Variants in CHSY3 observed in about 807,000 individuals in gnomAD.
CHSY3 encodes the protein chondroitin sulfate synthase 3, also known as N-acetylgalactosaminyl-proteoglycan 3-beta-glucuronosyltransferase 3.
In CHSY3, 35 loss-of-function variants were observed where a neutral mutation model predicts 67.2. The observed-to-expected ratio is 0.52, with a 90% CI of 0.40 to 0.69. The LOEUF (loss-of-function observed/expected upper bound fraction) is 0.69. Ranked by LOEUF, CHSY3 falls within the 30% of genes least tolerant of loss-of-function variation. The pLI is 0.00. For missense variants in CHSY3, 1,069 were observed against 1,138.5 expected (o/e 0.94, Z 0.88); for synonymous variants, 474 against 434.7 (o/e 1.09, Z -1.12).
intron 2 of CHSY3, chr5:130,002,270 C>T (rs1763749305): frequency 6.5e-6 from 1 of 154,132 alleles, no homozygotes; most frequent in South Asian, 2.1e-4. Context: ...GAAGGCATGG[C>T]TGCCTCGGAT....
intron 2 of CHSY3, among the ~76,000 whole-genome samples, chr5:130,031,824 A>G (rs1173781756): frequency 7.2e-5 from 11 of 152,170 alleles, no homozygotes; most frequent in Admixed American, 4.6e-4. Context: ...ATTTGGGTAA[A>G]TATGTAAAAA....
At chr5:130,119,844 A>C (rs1047869043) in intron 2 of CHSY3, among the ~76,000 whole-genome samples, 1 of 152,172 alleles carries the variant, frequency 6.6e-6, no homozygotes, top group African/African-American at 2.4e-5. Flanking sequence ...TCTACGCAAA[A>C]AGGCAAATTA....
At chr5:130,052,698 G>T (rs1010667335) in intron 2 of CHSY3, among the ~76,000 whole-genome samples, 2 of 152,186 alleles carry the variant, frequency 1.3e-5, no homozygotes, top group Admixed American at 1.3e-4. Context: ...TGGTAAGGGA[G>T]CCTATGTCTT....
rs114327662 is a variant in CHSY3 at position 129,940,851 on chromosome 5, C to A, written c.1086+32491C>A. 4.1e-3 allele frequency among the ~76,000 whole-genome samples: 629 copies of A among 152,012 alleles called. 5 individuals carry two copies. The highest frequency in any genetic ancestry group is 0.014 in the African/African-American group (597 of 41,458). ...ATTCAACACTTCATTATAAAATAAG[C>A]ATTGTGTTAGATGATTTTGCCCAAC... is the stretch of plus-strand genomic sequence containing the variant. On this transcript the variant is annotated intron_variant, in intron 2 of 2. Transcript: ENST00000305031.
chr5:130,155,756 T>C (rs1349555971), intron 2 of CHSY3, among the ~76,000 whole-genome samples: 2 of 152,132 alleles, frequency 1.3e-5, no homozygotes, highest in Admixed American at 6.6e-5. Flanking sequence ...TATTGAGGAA[T>C]ATTTAGCAGC....
At chr5:130,012,535 C>A (rs988029026) in intron 2 of CHSY3, among the ~76,000 whole-genome samples, 1 of 152,134 alleles carries the variant, frequency 6.6e-6, no homozygotes, top group Non-Finnish European at 1.5e-5. Flanking sequence ...CCTCAGGAAA[C>A]TTACAATCAT....
In CHSY3 at chr5:129,995,226, T is replaced by C. The variant is rs549660110; in HGVS notation, c.1086+86866T>C. Among the ~76,000 whole-genome samples the C allele has an allele frequency of 2.4e-4, 36 of 152,290 alleles. No individual in the cohort carries two copies. The South Asian group carries it at 4.4e-3, about 18-fold the overall frequency. Reference sequence around the variant, plus strand: ...GTTTTATGTTTATTAGCCATGTGTATATCCTTTTTGTAAAATGCCTGCTCA... The same window carrying C: ...GTTTTATGTTTATTAGCCATGTGTACATCCTTTTTGTAAAATGCCTGCTCA... On this transcript the variant is annotated intron_variant, in intron 2 of 2. Transcript: ENST00000305031.
intron 2 of CHSY3, among the ~76,000 whole-genome samples, chr5:130,181,261 A>G (rs1326977109): frequency 6.6e-6 from 1 of 152,206 alleles, no homozygotes; most frequent in East Asian, 1.9e-4. Flanking sequence ...GTTCTTAATT[A>G]TTTCAAGCAA....
At chr5:130,119,281 C>T (rs1307755196) in intron 2 of CHSY3, among the ~76,000 whole-genome samples, 3 of 152,158 alleles carry the variant, frequency 2.0e-5, no homozygotes, top group Non-Finnish European at 4.4e-5. Context: ...TGCAGTTCAG[C>T]ATTTCCTTCC....
intron 2 of CHSY3, among the ~76,000 whole-genome samples, chr5:130,162,871 C>G (rs891991307): frequency 6.6e-6 from 1 of 152,070 alleles, no homozygotes; most frequent in Non-Finnish European, 1.5e-5. Flanking sequence ...ATTACATAGC[C>G]GCAATCAACT....
At chr5:130,097,804 C>T (rs774212910) in intron 2 of CHSY3, among the ~76,000 whole-genome samples, 6 of 152,060 alleles carry the variant, frequency 3.9e-5, no homozygotes, top group Non-Finnish European at 7.4e-5. Context: ...GAAATGGTAG[C>T]CATCCTGGCT....
chr5:129,982,331 A>T (rs1763044311), intron 2 of CHSY3, among the ~76,000 whole-genome samples: 1 of 152,112 alleles, frequency 6.6e-6, no homozygotes, highest in Admixed American at 6.5e-5. Flanking sequence ...ACTCTACTCT[A>T]AAATGGTTGC....
intron 2 of CHSY3, among the ~76,000 whole-genome samples, chr5:129,957,615 C>T (rs559121042): frequency 6.6e-6 from 1 of 151,984 alleles, no homozygotes; most frequent in East Asian, 1.9e-4. Flanking sequence ...ATATTTTTTT[C>T]CTCATACTTT....
At chr5:130,004,397 T>G (rs561098098) in intron 2 of CHSY3, among the ~76,000 whole-genome samples, 1 of 152,348 alleles carries the variant, frequency 6.6e-6, no homozygotes, top group East Asian at 1.9e-4. Context: ...TTTCTGTTAC[T>G]TTGAAATTTT....
intron 2 of CHSY3, chr5:130,140,983 C>A: frequency 1.6e-6 from 1 of 622,658 alleles, no homozygotes; most frequent in Non-Finnish European, 2.1e-6. Context: ...TAGAGAAGGC[C>A]CTTGGAAATG....
At chr5:130,036,354 A>G (rs1244473998) in intron 2 of CHSY3, among the ~76,000 whole-genome samples, 2 of 152,270 alleles carry the variant, frequency 1.3e-5, no homozygotes, top group South Asian at 2.1e-4. Flanking sequence ...TATCTCTTCC[A>G]TAACTGTGCT....
chr5:130,139,583 T>C (rs1768790277), intron 2 of CHSY3, among the ~76,000 whole-genome samples: 1 of 152,180 alleles, frequency 6.6e-6, no homozygotes, highest in Non-Finnish European at 1.5e-5. Flanking sequence ...GTGCTGCTAA[T>C]GAGAACATGT....
chr5:129,906,427 A>G (rs1433729278), intron 1 of CHSY3, among the ~76,000 whole-genome samples: 1 of 152,220 alleles, frequency 6.6e-6, no homozygotes, highest in African/African-American at 2.4e-5. Context: ...GTACTAGCAC[A>G]CACTAGTATT....
At chr5:129,905,709 A>T in intron 1 of CHSY3, 78 bp downstream of exon 1, 1 of 1,549,888 alleles carries the variant, frequency 6.5e-7, no homozygotes, top group Non-Finnish European at 8.7e-7. Context: ...GCCCCTGCCC[A>T]GCCCCTCCGC....
Sources: gnomAD v4.1 joint callset for allele counts (sites outside exome capture counted in the v4.1 genomes callset) on GRCh38, gnomAD v4.1.1 for gene constraint, MANE v1.5 for transcripts, NCBI Gene and HGNC (gene_info 2026-07-23, HGNC 2026-07-21) for gene names.